Variants in STON1 observed in about 807,000 individuals in gnomAD.
The protein encoded by STON1 is stonin 1, also known as stonin-1.
In STON1, 79 loss-of-function variants were observed where a neutral mutation model predicts 60.9. The observed-to-expected ratio is 1.30, with a 90% CI of 1.08 to 1.56. The LOEUF is 1.56. Ranked by LOEUF, STON1 falls within the 40% of genes most tolerant of loss-of-function variation. The pLI, the probability that STON1 is intolerant of heterozygous loss-of-function variation, is 0.00. For missense variants in STON1, 1,166 were observed against 858.9 expected (o/e 1.36, Z -4.47); for synonymous variants, 363 against 306.9 (o/e 1.18, Z -1.91).
intron 1 of STON1, among the ~76,000 whole-genome samples, chr2:48,571,245 A>C (rs972294837): frequency 6.6e-6 from 1 of 152,202 alleles, no homozygotes; most frequent in African/African-American, 2.4e-5. Context: ...TGGGGCATGC[A>C]GGCTGGGATG....
intron 2 of STON1, among the ~76,000 whole-genome samples, chr2:48,590,260 T>C (rs1674435618): frequency 6.6e-6 from 1 of 152,242 alleles, no homozygotes; most frequent in Non-Finnish European, 1.5e-5. Context: ...GTGGTAGAGA[T>C]GGCTAATGAG....
chr2:48,578,901 C>T (rs1359860837), intron 1 of STON1, among the ~76,000 whole-genome samples: 3 of 151,882 alleles, frequency 2.0e-5, no homozygotes, highest in Non-Finnish European at 4.4e-5. Flanking sequence ...TTAATTCTTC[C>T]TCCAGTGTGG....
intron 1 of STON1, among the ~76,000 whole-genome samples, chr2:48,578,520 C>T (rs540847057): frequency 4.8e-5 from 7 of 147,352 alleles, no homozygotes; most frequent in Middle Eastern, 3.5e-3. Flanking sequence ...CCTCCTTCTC[C>T]GCTTCCTCTT....
At chr2:48,589,549 A>T (rs1674399230) in intron 2 of STON1, among the ~76,000 whole-genome samples, 1 of 152,250 alleles carries the variant, frequency 6.6e-6, no homozygotes, top group Admixed American at 6.5e-5. Flanking sequence ...TAGAGCATTT[A>T]GCATTTTCAA....
At chr2:48,568,819 G>A (rs1270487697) in intron 1 of STON1, among the ~76,000 whole-genome samples, 1 of 152,204 alleles carries the variant, frequency 6.6e-6, no homozygotes, top group Admixed American at 6.5e-5. Flanking sequence ...GGGCAGATAC[G>A]TGTGGTGGGC....
chr2:48,594,635 A>C (rs1674698769), intron 3 of STON1, among the ~76,000 whole-genome samples: 1 of 152,188 alleles, frequency 6.6e-6, no homozygotes, highest in Admixed American at 6.5e-5. Flanking sequence ...GTAACGGGAT[A>C]GAGAGTGACT....
chr2:48,545,853 AC>A (rs1671843868), intron 1 of STON1, among the ~76,000 whole-genome samples: 1 of 152,138 alleles, frequency 6.6e-6, no homozygotes, highest in Non-Finnish European at 1.5e-5. Flanking sequence ...TCAGGTACCT[AC>A]ATATCACAAT....
intron 1 of STON1, among the ~76,000 whole-genome samples, chr2:48,573,134 A>C (rs954370319): frequency 6.6e-6 from 1 of 152,170 alleles, no homozygotes; most frequent in Non-Finnish European, 1.5e-5. Flanking sequence ...AGTGGGCTGG[A>C]GGGAGAAAAA....
At chr2:48,564,561 C>CT (rs1672828760) in intron 1 of STON1, among the ~76,000 whole-genome samples, 2 of 61,404 alleles carry the variant, frequency 3.3e-5, no homozygotes, top group Non-Finnish European at 3.2e-5. Context: ...TCTTCTTCTT[C>CT]TTCTTCTCCT....
chr2:48,542,475 T>TTATCTCAC (rs1671693237), intron 1 of STON1, among the ~76,000 whole-genome samples: 4 of 152,248 alleles, frequency 2.6e-5, no homozygotes, highest in African/African-American at 9.6e-5. Flanking sequence ...CAAAAGGTTG[T>TTATCTCAC]TCTGAAGATC....
At chr2:48,562,288 C>A (rs1672644689) in intron 1 of STON1, among the ~76,000 whole-genome samples, 1 of 152,124 alleles carries the variant, frequency 6.6e-6, no homozygotes, top group African/African-American at 2.4e-5. Context: ...TGGGATTGAA[C>A]CTTGATATTC....
At chr2:48,585,436 A>G (rs943492126) in intron 2 of STON1, among the ~76,000 whole-genome samples, 1 of 151,804 alleles carries the variant, frequency 6.6e-6, no homozygotes, top group African/African-American at 2.4e-5. Flanking sequence ...TTGTGTAGAG[A>G]TGGGGTTTCA....
chr2:48,581,717 T>C lies in STON1; in HGVS notation c.1084T>C (p.Ser362Pro), dbSNP rs3749143. The part of the protein sequence containing the change: ...VSYTEKRKYH[S>P]KTEVVHEPDI... ...TTACACAGAAAAAAGGAAATACCAT[T>C]CTAAGACAGAAGTAGTTCATGAACC... The change falls in exon 2 of 4, where the codon TCT becomes CCT. Residue 362 changes from serine to proline, a missense_variant. Ser to Pro is a moderately conservative substitution (Grantham distance 74). Transcript: ENST00000404752. 1.2e-6 allele frequency: 2 copies of C among 1,611,338 alleles called. No homozygotes were observed. Among genetic ancestry groups the C allele is most frequent in the Non-Finnish European group, 1.7e-6 (2 of 1,179,306 alleles).
At chr2:48,592,881 C>A (rs1177381117) in intron 3 of STON1, among the ~76,000 whole-genome samples, 2 of 151,988 alleles carry the variant, frequency 1.3e-5, no homozygotes, top group Non-Finnish European at 2.9e-5. Flanking sequence ...TCCCAAAGTG[C>A]TGGGATTACA....
At chr2:48,557,060 C>T (rs1381996124) in intron 1 of STON1, among the ~76,000 whole-genome samples, 6 of 101,392 alleles carry the variant, frequency 5.9e-5, no homozygotes, top group African/African-American at 1.5e-4. Context: ...GGCGGCTGGC[C>T]GGGCGGGGGG....
intron 1 of STON1, among the ~76,000 whole-genome samples, chr2:48,534,863 G>C (rs925189432): frequency 6.6e-6 from 1 of 152,164 alleles, no homozygotes; most frequent in Non-Finnish European, 1.5e-5. Context: ...ATCTCTTCCA[G>C]CTCCGCCAGT....
At chr2:48,566,921 A>G (rs1006945296) in intron 1 of STON1, among the ~76,000 whole-genome samples, 1 of 152,214 alleles carries the variant, frequency 6.6e-6, no homozygotes, top group African/African-American at 2.4e-5. Context: ...CTATTCAAGA[A>G]GCAGACTCTG....
At chr2:48,545,152 C>T (rs1233866319) in intron 1 of STON1, among the ~76,000 whole-genome samples, 1 of 152,136 alleles carries the variant, frequency 6.6e-6, no homozygotes, top group Non-Finnish European at 1.5e-5. Context: ...ATCAGGCTTT[C>T]CTGGGAATTG....
rs137909886 is a variant in STON1, at chr2:48,591,317, A to C, written c.1931-336A>C. Among the ~76,000 whole-genome samples, 540 of 150,800 alleles carry C rather than the reference A, an allele frequency of 3.6e-3. 3 individuals carry two copies. The highest frequency in any genetic ancestry group is 0.012 in the African/African-American group (506 of 41,318). On this transcript the variant is annotated intron_variant, in intron 2 of 3. Transcript: ENST00000404752. The stretch of plus-strand genomic sequence containing the variant: ...CTAAATATAGTAATATTTCTAATTA[A>C]TATTAGTAATATTTCTAATTGAAAA...
Sources: gnomAD v4.1 joint callset for allele counts (sites outside exome capture counted in the v4.1 genomes callset) on GRCh38, gnomAD v4.1.1 for gene constraint, MANE v1.5 for transcripts, NCBI Gene and HGNC (gene_info 2026-07-23, HGNC 2026-07-21) for gene names.